The following ATP8B1 variants were observed in gnomAD, a reference collection of about 807,000 sequenced individuals.
ATP8B1 encodes the protein phospholipid-transporting ATPase IC.
ATP8B1 carries 80 observed loss-of-function variants against 149.9 expected under a neutral mutation model. The observed-to-expected ratio is 0.53, with a 90% confidence interval of 0.45 to 0.64. ATP8B1 has a LOEUF of 0.64. Ranked by LOEUF, ATP8B1 falls within the 30% of genes least tolerant of loss-of-function variation. ATP8B1 has a pLI of 0.00. For missense variants in ATP8B1, 1,247 were observed against 1,552.6 expected, an observed-to-expected ratio of 0.80 and a Z score of 3.31; for synonymous variants, 536 against 562.8, an observed-to-expected ratio of 0.95 and a Z score of 0.67.
chr18:57,685,686 C>T (rs1013265010), intron 13 of ATP8B1, among the ~76,000 whole-genome samples: 3 of 151,916 alleles, frequency 2.0e-5, no homozygotes, highest in African/African-American at 7.3e-5. Context: ...AATCCCAGCA[C>T]TTTGGGAGGC....
chr18:57,719,009 C>T (rs1012135682), intron 2 of ATP8B1, among the ~76,000 whole-genome samples: 3 of 152,134 alleles, frequency 2.0e-5, no homozygotes, highest in Admixed American at 6.6e-5. Context: ...CTAGAGCAAT[C>T]GGACAAGAGA....
At chr18:57,755,374 A>C (rs77183259) in intron 1 of ATP8B1, 1 of 10,644 alleles carries the variant, frequency 9.4e-5, no homozygotes, top group Non-Finnish European at 3.8e-4. Flanking sequence ...ACCAAGATAA[A>C]AAAAAAAAAT....
intron 2 of ATP8B1, among the ~76,000 whole-genome samples, chr18:57,731,096 C>T (rs1358366959): frequency 6.6e-6 from 1 of 151,698 alleles, no homozygotes; most frequent in Non-Finnish European, 1.5e-5. Context: ...GAGTTTGAGA[C>T]GAGCCTGGGC....
chr18:57,735,369 G>C (rs964081960), intron 1 of ATP8B1: 1 of 153,502 alleles, frequency 6.5e-6, no homozygotes, highest in African/African-American at 2.4e-5. Flanking sequence ...TCCTAATCAA[G>C]CTGAACACTA....
intron 1 of ATP8B1, among the ~76,000 whole-genome samples, chr18:57,788,072 C>G (rs2080427253): frequency 6.6e-6 from 1 of 152,060 alleles, no homozygotes; most frequent in Non-Finnish European, 1.5e-5. Context: ...AAAATAAAAC[C>G]TATTGTCTAT....
chr18:57,765,986 AAAT>A (rs1361985367), intron 1 of ATP8B1, among the ~76,000 whole-genome samples: 6 of 151,986 alleles, frequency 3.9e-5, no homozygotes, highest in African/African-American at 1.4e-4. Context: ...AGAAAAAAAA[AAAT>A]GTTAAGATGG....
At chr18:57,683,958 C>T in intron 15 of ATP8B1, 78 bp downstream of exon 15, 1 of 1,531,080 alleles carries the variant, frequency 6.5e-7, no homozygotes, top group Non-Finnish European at 9.0e-7. Flanking sequence ...ACTTGACATG[C>T]ATTTGAGCCA....
At chr18:57,713,228 C>CTTCA (rs1913805724) in intron 2 of ATP8B1, among the ~76,000 whole-genome samples, 1 of 113,410 alleles carries the variant, frequency 8.8e-6, no homozygotes, top group Non-Finnish European at 1.8e-5. Context: ...TCCTTCCTTC[C>CTTCA]TTCCTTCCTT....
In ATP8B1 at chr18:57,648,852, TTG is replaced by T. The variant is rs1161789963; in HGVS notation, c.3532-142_3532-141del. ...TTGATGCAGGCAGTTCTGTCCCCAC[TTG>T]TGTGTGTGTGTGTGTGTGTGTGTGT... On this transcript the variant is annotated intron_variant, in intron 27 of 27. Transcript: ENST00000648908. 2,908 of 556,914 alleles carry T rather than the reference TTG, an allele frequency of 5.2e-3. 4 individuals are homozygous for T. The highest frequency in any genetic ancestry group is 0.017 in the South Asian group (855 of 49,792). The allele number at this position is 556,914 out of a possible 1,614,324, so 34.5% of individuals were successfully genotyped here.
intron 9 of ATP8B1, 38 bp from the exon 10 acceptor site, chr18:57,695,367 C>G: frequency 1.3e-6 from 2 of 1,591,494 alleles, no homozygotes; most frequent in Non-Finnish European, 1.7e-6. Context: ...TAATCACATA[C>G]AAAAGTCTTT....
At chr18:57,741,998 T>C (rs930774951) in intron 1 of ATP8B1, among the ~76,000 whole-genome samples, 1 of 152,138 alleles carries the variant, frequency 6.6e-6, no homozygotes, top group African/African-American at 2.4e-5. Flanking sequence ...GCCTTTCCAG[T>C]AGCTGGGACT....
chr18:57,800,621 C>T (rs576950468), intron 1 of ATP8B1, among the ~76,000 whole-genome samples: 3 of 152,200 alleles, frequency 2.0e-5, no homozygotes, highest in Non-Finnish European at 4.4e-5. Flanking sequence ...AAGTAAGAAA[C>T]CAACATTCAA....
rs1427430809 is a variant in ATP8B1 at position 57,784,546 on chromosome 18, C to T, written c.-26+18452G>A. 2.0e-5 allele frequency among the ~76,000 whole-genome samples: 3 copies of T among 152,068 alleles called. No individual in the cohort carries two copies. The highest frequency in any genetic ancestry group is 7.2e-5 in the African/African-American group (3 of 41,406). ...GGTGCAGTCTGGAAGAGAAAGGGGT[C>T]AGAGATCAAGTCCAGGCTTAAGCCA... is the stretch of plus-strand genomic sequence containing the variant. On this transcript the variant is annotated intron_variant, in intron 1 of 27. Transcript: ENST00000648908. The surrounding 1 kb of genome is among the most constrained non-coding windows in gnomAD (Gnocchi z 4.4).
At chr18:57,766,553 A>G (rs951131480) in intron 1 of ATP8B1, among the ~76,000 whole-genome samples, 3 of 152,230 alleles carry the variant, frequency 2.0e-5, no homozygotes, top group East Asian at 1.9e-4. Flanking sequence ...GTTCAGCCCA[A>G]TGGCTCTGAA....
chr18:57,679,837 G>C (rs1911838804), intron 15 of ATP8B1, among the ~76,000 whole-genome samples: 1 of 152,018 alleles, frequency 6.6e-6, no homozygotes, highest in African/African-American at 2.4e-5. Context: ...GCTAATTTTT[G>C]TATGTTTAGT....
At chr18:57,659,332 A>G (rs562612720) in intron 22 of ATP8B1, among the ~76,000 whole-genome samples, 163 of 152,298 alleles carry the variant, frequency 1.1e-3, no homozygotes, top group Non-Finnish European at 2.0e-3. Context: ...AGACAACTTA[A>G]GAAAAACAAG....
At chr18:57,709,198 G>A (rs1913569706) in intron 2 of ATP8B1, among the ~76,000 whole-genome samples, 1 of 152,106 alleles carries the variant, frequency 6.6e-6, no homozygotes, top group Non-Finnish European at 1.5e-5. Context: ...ATGAGTTTAG[G>A]CTAATTGCTT....
At chr18:57,680,016 C>T (rs1415203774) in intron 15 of ATP8B1, among the ~76,000 whole-genome samples, 1 of 151,794 alleles carries the variant, frequency 6.6e-6, no homozygotes, top group Non-Finnish European at 1.5e-5. Flanking sequence ...TGGCTCACAC[C>T]TGTAATCCCA....
chr18:57,793,377 C>T (rs2080482023), intron 1 of ATP8B1, among the ~76,000 whole-genome samples: 1 of 151,988 alleles, frequency 6.6e-6, no homozygotes, highest in Non-Finnish European at 1.5e-5. Context: ...CGGACACTAC[C>T]ACCCTGGGAA....
Sources: gnomAD v4.1 joint callset for allele counts (sites outside exome capture counted in the v4.1 genomes callset) on GRCh38, gnomAD v4.1.1 for gene constraint, Gnocchi (gnomAD v3.1) non-coding constraint, MANE v1.5 for transcripts, NCBI Gene and HGNC (gene_info 2026-07-23, HGNC 2026-07-21) for gene names.